STYX: variants seen among roughly 807,000 people sequenced by gnomAD.
STYX encodes the protein serine/threonine/tyrosine interacting protein.
In STYX, 20 loss-of-function variants were observed where a neutral mutation model predicts 42.7. The ratio of observed to expected loss-of-function variants is 0.47; its 90% confidence interval spans 0.33 to 0.68. The LOEUF is 0.68. Ranked by LOEUF, STYX falls within the 30% of genes least tolerant of loss-of-function variation. The probability of loss-of-function intolerance (pLI) is 0.02; values close to 1 mark genes in which losing one functional copy is unlikely to be tolerated. For synonymous variants in STYX, 78 were observed against 81.9 expected (o/e 0.95, Z 0.26); for missense variants, 226 against 268.5 (o/e 0.84, Z 1.11).
chr14:52,761,528 C>T (rs980858460), intron 9 of STYX, among the ~76,000 whole-genome samples: 12 of 149,286 alleles, frequency 8.0e-5, no homozygotes, highest in African/African-American at 2.5e-4. Flanking sequence ...CTCCGAGTGC[C>T]TATTTCCTCC....
At chr14:52,732,134 T>C (rs1033207098) in intron 1 of STYX, among the ~76,000 whole-genome samples, 1 of 150,178 alleles carries the variant, frequency 6.7e-6, no homozygotes, top group Non-Finnish European at 1.5e-5. Flanking sequence ...TTCACTCTTG[T>C]TGCCCCAGGC....
At chr14:52,759,849 A>C in intron 9 of STYX, 95 bp downstream of exon 9, 1 of 761,152 alleles carries the variant, frequency 1.3e-6, no homozygotes. Context: ...GAATACTTAA[A>C]ATTGCCATAA....
Position 52,768,829 on chromosome 14 carries a change from T to A in STYX, c.505-11T>A, listed in dbSNP as rs1198301828. The A allele has an allele frequency of 5.2e-6, 8 of 1,548,442 alleles. No homozygotes were observed. In the East Asian group the frequency reaches 9.1e-5, roughly 18 times the overall value. On this transcript the variant is annotated splice_polypyrimidine_tract_variant and intron_variant, in intron 9 of 10. Transcript: ENST00000354586. ...TATATAATTAAGTTAATTAACTTAT[T>A]TTTTTTTTAGGAATATGAAGCCATC...
intron 8 of STYX, among the ~76,000 whole-genome samples, chr14:52,759,326 C>A (rs960226902): frequency 6.6e-6 from 1 of 152,192 alleles, no homozygotes; most frequent in South Asian, 2.1e-4. Flanking sequence ...TACTACATTG[C>A]CCAGGCTGGT....
intron 1 of STYX, among the ~76,000 whole-genome samples, chr14:52,743,666 A>G (rs1164821202): frequency 6.6e-6 from 1 of 152,168 alleles, no homozygotes; most frequent in South Asian, 2.1e-4. Flanking sequence ...TATTTTTGCA[A>G]CTTTTCTATA....
intron 1 of STYX, among the ~76,000 whole-genome samples, chr14:52,743,473 C>T (rs1594868068): frequency 6.6e-6 from 1 of 151,796 alleles, no homozygotes; most frequent in East Asian, 1.9e-4. Context: ...CCCAGCTACT[C>T]GGGAGGCTGA....
intron 10 of STYX, among the ~76,000 whole-genome samples, chr14:52,769,582 A>G (rs536908575): frequency 2.0e-4 from 30 of 152,300 alleles, no homozygotes; most frequent in African/African-American, 5.5e-4. Flanking sequence ...ACTCTACTGC[A>G]CTGCCCATAG....
intron 6 of STYX, among the ~76,000 whole-genome samples, 179 bp from the exon 7 acceptor site, chr14:52,757,564 T>C (rs903392864): frequency 1.3e-5 from 2 of 152,212 alleles, no homozygotes; most frequent in African/African-American, 4.8e-5. Context: ...CTGTGAGCTT[T>C]CAGTTTCTTT....
chr14:52,750,629 A>G, intron 3 of STYX, 54 bp from the exon 4 acceptor site: 1 of 1,122,134 alleles, frequency 8.9e-7, no homozygotes, highest in Non-Finnish European at 1.3e-6. Context: ...ATGATGTTTG[A>G]TATTTTAAAA....
At chr14:52,747,616 A>G (rs939634493) in intron 3 of STYX, among the ~76,000 whole-genome samples, 3 of 152,262 alleles carry the variant, frequency 2.0e-5, no homozygotes, top group Admixed American at 6.5e-5. Context: ...ATAATTTGCT[A>G]TTCACCAAGT....
intron 1 of STYX, among the ~76,000 whole-genome samples, chr14:52,737,711 T>C (rs957391595): frequency 2.6e-5 from 4 of 152,198 alleles, no homozygotes; most frequent in East Asian, 3.8e-4. Context: ...TAGACGTGTG[T>C]TCAGACGGAT....
At chr14:52,767,121 G>A (rs1006832425) in intron 9 of STYX, among the ~76,000 whole-genome samples, 3 of 152,152 alleles carry the variant, frequency 2.0e-5, no homozygotes, top group Non-Finnish European at 4.4e-5. Context: ...TCAGAAATGG[G>A]CTTACTGAAA....
intron 9 of STYX, among the ~76,000 whole-genome samples, chr14:52,766,751 T>C (rs1227745393): frequency 1.3e-5 from 2 of 152,234 alleles, no homozygotes; most frequent in Non-Finnish European, 2.9e-5. Flanking sequence ...TGTTTCTTTT[T>C]CTTTTTAGTA....
chr14:52,757,986 G>T, intron 8 of STYX, 62 bp downstream of exon 8: 3 of 1,556,254 alleles, frequency 1.9e-6, no homozygotes, highest in South Asian at 1.2e-5. Context: ...AACTTAATGG[G>T]AATAGTTTGG....
chr14:52,768,982 A>G, intron 10 of STYX, 49 bp downstream of exon 10: 1 of 1,409,484 alleles, frequency 7.1e-7, no homozygotes, highest in Non-Finnish European at 9.8e-7. Context: ...AGATAATGAA[A>G]GGTGGAGAAC....
At chr14:52,734,927 G>A (rs1167838289) in intron 1 of STYX, among the ~76,000 whole-genome samples, 1 of 151,988 alleles carries the variant, frequency 6.6e-6, no homozygotes, top group East Asian at 1.9e-4. Flanking sequence ...TATGGTGGCG[G>A]GCGCCTGTAG....
At chr14:52,736,293 C>T (rs1164088406) in intron 1 of STYX, among the ~76,000 whole-genome samples, 1 of 152,228 alleles carries the variant, frequency 6.6e-6, no homozygotes, top group Non-Finnish European at 1.5e-5. Context: ...TAGACTGGTT[C>T]AATTCCCCAG....
chr14:52,745,973 G>C (rs1339027745), intron 2 of STYX, among the ~76,000 whole-genome samples: 2 of 152,096 alleles, frequency 1.3e-5, no homozygotes, highest in Non-Finnish European at 1.5e-5. Context: ...AGTATCTAGG[G>C]TATGATATAT....
chr14:52,740,045 G>A (rs1488758774), intron 1 of STYX, among the ~76,000 whole-genome samples: 1 of 152,150 alleles, frequency 6.6e-6, no homozygotes, highest in South Asian at 2.1e-4. Context: ...TTGAGAGGCC[G>A]AGGCAGGTGG....
Sources: allele counts gnomAD v4.1 joint callset (sites outside exome capture counted in the v4.1 genomes callset), GRCh38; gene constraint gnomAD v4.1.1; transcripts MANE v1.5; gene names NCBI Gene and HGNC (gene_info 2026-07-23, HGNC 2026-07-21).